SPATA13: variants seen among roughly 807,000 people sequenced by gnomAD.
SPATA13 encodes spermatogenesis-associated protein 13.
A neutral mutation model predicts 104.0 loss-of-function variants in SPATA13; 50 were observed. The ratio of observed to expected loss-of-function variants is 0.48; its 90% confidence interval spans 0.38 to 0.61. The LOEUF (loss-of-function observed/expected upper bound fraction) is 0.61. Ranked by LOEUF, SPATA13 falls within the 20% of genes least tolerant of loss-of-function variation. The probability of loss-of-function intolerance (pLI) is 0.00; values close to 1 mark genes in which losing one functional copy is unlikely to be tolerated. For synonymous variants in SPATA13, 606 were observed against 667.5 expected, an observed-to-expected ratio of 0.91 and a Z score of 1.42; for missense variants, 1,524 against 1,690.6, an observed-to-expected ratio of 0.90 and a Z score of 1.73.
intron 3 of SPATA13, among the ~76,000 whole-genome samples, chr13:24,094,285 G>A (rs191726327): frequency 7.9e-5 from 12 of 152,348 alleles, no homozygotes; most frequent in Admixed American, 7.8e-4. Context: ...GGAACTCAGG[G>A]TTAACATAGA....
In SPATA13 at chr13:24,247,685, T is replaced by C. The variant is rs567944244; in HGVS notation, c.1654-1792T>C. On this transcript the variant is annotated intron_variant, in intron 2 of 12. Coordinates refer to ENST00000382108, the MANE Select transcript of SPATA13 (RefSeq NM_001166271.3). ...TTTTAGTAGAGACAGGGTTTCACCA[T>C]GTTGGCCAGCTGGTCTCAAACTCCT... Among the ~76,000 whole-genome samples the C allele has an allele frequency of 3.3e-5, 5 of 152,138 alleles. No individual in the cohort carries two copies. In the East Asian group the frequency reaches 9.7e-4, roughly 30 times the overall value.
At chr13:24,163,388 C>T (rs998262589) in intron 1 of SPATA13, among the ~76,000 whole-genome samples, 5 of 152,058 alleles carry the variant, frequency 3.3e-5, no homozygotes, top group African/African-American at 4.8e-5. Context: ...GGTGACAGAA[C>T]GAGAGACTCT....
chr13:24,003,327 A>G (rs1359705038), intron 2 of SPATA13, among the ~76,000 whole-genome samples: 1 of 152,196 alleles, frequency 6.6e-6, no homozygotes, highest in Non-Finnish European at 1.5e-5. Flanking sequence ...CACCAGTAAC[A>G]ATTTCATTAC....
intron 3 of SPATA13, among the ~76,000 whole-genome samples, chr13:24,105,047 T>A (rs529794416): frequency 1.7e-4 from 26 of 152,324 alleles, no homozygotes; most frequent in African/African-American, 6.3e-4. Flanking sequence ...AGAAGTCACT[T>A]GGTCTTCTGA....
intron 3 of SPATA13, among the ~76,000 whole-genome samples, chr13:24,028,352 C>T (rs538227389): frequency 6.6e-6 from 1 of 152,302 alleles, no homozygotes; most frequent in South Asian, 2.1e-4. Context: ...AGTTCATGTG[C>T]AGGTGTCTAT....
At chr13:24,047,278 GA>G in intron 3 of SPATA13, among the ~76,000 whole-genome samples, 2 of 152,212 alleles carry the variant, frequency 1.3e-5, no homozygotes, top group Non-Finnish European at 2.9e-5. Context: ...CCAATCCTGT[GA>G]CCTCTGGCCA....
intron 3 of SPATA13, among the ~76,000 whole-genome samples, chr13:24,068,252 T>C (rs1201589642): frequency 6.6e-6 from 1 of 152,192 alleles, no homozygotes; most frequent in Non-Finnish European, 1.5e-5. Context: ...AGTGAGAACA[T>C]GTGGTATTTG....
intron 1 of SPATA13, among the ~76,000 whole-genome samples, chr13:24,180,545 G>C (rs1868734723): frequency 6.6e-6 from 1 of 152,154 alleles, no homozygotes; most frequent in South Asian, 2.1e-4. Context: ...CCAGGATTTT[G>C]ATAGGATTGT....
intron 3 of SPATA13, among the ~76,000 whole-genome samples, chr13:24,084,222 T>C (rs922790847): frequency 2.0e-5 from 3 of 152,030 alleles, no homozygotes; most frequent in Non-Finnish European, 4.4e-5. Flanking sequence ...GTTGGGGAGA[T>C]GTGGGTGGAA....
intron 1 of SPATA13, among the ~76,000 whole-genome samples, chr13:24,200,731 G>T (rs1423299887): frequency 1.3e-5 from 2 of 149,784 alleles, no homozygotes; most frequent in Non-Finnish European, 3.0e-5. Flanking sequence ...AGTTTCTCTT[G>T]TGCCCGAGAT....
At chr13:24,194,970 A>G (rs1321651595) in intron 1 of SPATA13, among the ~76,000 whole-genome samples, 1 of 152,218 alleles carries the variant, frequency 6.6e-6, no homozygotes, top group Non-Finnish European at 1.5e-5. Flanking sequence ...CAATTTAAAT[A>G]CCAGTTCACC....
At chr13:24,039,298 C>T (rs557657044) in intron 3 of SPATA13, among the ~76,000 whole-genome samples, 1 of 152,284 alleles carries the variant, frequency 6.6e-6, no homozygotes, top group Admixed American at 6.5e-5. Flanking sequence ...ACTCAATTTA[C>T]CAACCTGGTG....
At position 24,136,969 on chromosome 13, in the gene SPATA13, A is replaced by G. The variant is rs1314869997; in HGVS notation, c.-111-85850A>G. Among the ~76,000 whole-genome samples the G allele has an allele frequency of 8.9e-5, 9 of 100,938 alleles. 3 individuals carry two copies. The highest frequency in any genetic ancestry group is 2.8e-4 in the African/African-American group (8 of 28,938). 66.2% of individuals were successfully genotyped at this position (100,938 alleles called of 152,430 possible). A position where few individuals can be genotyped will look rare whatever the true frequency, so the allele number is the denominator to read the frequency against. On this transcript the variant is annotated intron_variant, in intron 3 of 14. Transcript: ENST00000424834. ...CTCAGCCTCCCGAGTAGCTGGGACT[A>G]CAGGCGCCCGCCACTACGCCCGGCT...
chr13:24,091,954 G>C (rs1727493141), intron 3 of SPATA13, among the ~76,000 whole-genome samples: 1 of 152,202 alleles, frequency 6.6e-6, no homozygotes. Context: ...CTACCATGGA[G>C]CTGGAGAGAG....
chr13:24,028,672 T>C (rs933897852), intron 3 of SPATA13, among the ~76,000 whole-genome samples: 1 of 152,224 alleles, frequency 6.6e-6, no homozygotes, highest in African/African-American at 2.4e-5. Flanking sequence ...TGCCTCTCTT[T>C]TATTCACCTT....
intron 3 of SPATA13, among the ~76,000 whole-genome samples, chr13:24,152,244 T>C (rs2138471946): frequency 6.6e-6 from 1 of 152,300 alleles, no homozygotes; most frequent in East Asian, 1.9e-4. Flanking sequence ...TGCCCTCACT[T>C]TGTGGGAGGG....
rs892307601 is a variant in SPATA13 at position 24,161,264 on chromosome 13, C to G, written c.-112+332C>G. Among the ~76,000 whole-genome samples the G allele has an allele frequency of 3.3e-5, 5 of 152,144 alleles. No homozygotes were observed. Among genetic ancestry groups the G allele is most frequent in the African/African-American group, 1.2e-4 (5 of 41,448 alleles). Reference sequence around the variant, plus strand: ...GTCGCCTTGTAACTTCACCCGCGCTCCCAGCTCGCGGGGCCTGGCCTACAG... The same window carrying G: ...GTCGCCTTGTAACTTCACCCGCGCTGCCAGCTCGCGGGGCCTGGCCTACAG... On this transcript the variant is annotated intron_variant, in intron 1 of 12. Transcript: ENST00000382108. The surrounding 1 kb of genome is among the most constrained non-coding windows in gnomAD (Gnocchi z 4.5).
In SPATA13 at chr13:24,130,532, C is replaced by T. The variant is rs1881360814; in HGVS notation, c.-111-92287C>T. ...GTCAGTGTTCTGATTTATTGACTACCTTTCAACTCATTGTTTAGCGTCATG... is the reference window on the plus strand; with the variant it reads ...GTCAGTGTTCTGATTTATTGACTACTTTTCAACTCATTGTTTAGCGTCATG... On this transcript the variant is annotated intron_variant, in intron 3 of 14. Transcript: ENST00000424834. Among the ~76,000 whole-genome samples, 8 of 152,324 alleles carry T rather than the reference C, an allele frequency of 5.3e-5. No individual in the cohort carries two copies. In the South Asian group the frequency reaches 1.2e-3, roughly 24 times the overall value.
chr13:24,210,039 A>G (rs1290132757), intron 1 of SPATA13, among the ~76,000 whole-genome samples: 1 of 151,864 alleles, frequency 6.6e-6, no homozygotes, highest in Non-Finnish European at 1.5e-5. Context: ...CCTTTTTCAT[A>G]TATCTCTTGG....
Sources: allele counts gnomAD v4.1 joint callset (sites outside exome capture counted in the v4.1 genomes callset), GRCh38; gene constraint gnomAD v4.1.1; non-coding constraint Gnocchi (gnomAD v3.1); transcripts MANE v1.5; gene names NCBI Gene and HGNC (gene_info 2026-07-23, HGNC 2026-07-21).